MAF: variants seen among roughly 807,000 people sequenced by gnomAD.
The protein encoded by MAF is MAF bZIP transcription factor.
MAF carries 10 observed loss-of-function variants against 22.0 expected under a neutral mutation model. The observed-to-expected ratio is 0.45, with a 90% CI of 0.28 to 0.77. The LOEUF (loss-of-function observed/expected upper bound fraction) is 0.77. Ranked by LOEUF, MAF falls within the 30% of genes least tolerant of loss-of-function variation. The probability of loss-of-function intolerance (pLI) is 0.12; values close to 1 mark genes in which losing one functional copy is unlikely to be tolerated. For synonymous variants in MAF, 337 were observed against 255.8 expected, an observed-to-expected ratio of 1.32 and a Z score of -3.03; for missense variants, 544 against 548.4, an observed-to-expected ratio of 0.99 and a Z score of 0.08.
the MAF span, among the ~76,000 whole-genome samples, chr16:79,539,659 G>A: frequency 6.6e-6 from 1 of 152,144 alleles, no homozygotes; most frequent in Non-Finnish European, 1.5e-5. Flanking sequence ...AGGAAAAATG[G>A]AGACAATCTA....
the MAF span, among the ~76,000 whole-genome samples, chr16:79,488,785 G>A: frequency 1.6e-4 from 25 of 152,124 alleles, no homozygotes; most frequent in Middle Eastern, 3.4e-3. Flanking sequence ...CTTACCTCTC[G>A]TTCATCAACC....
intron 1 of MAF, chr16:79,597,674 A>G: frequency 9.8e-7 from 1 of 1,020,436 alleles, no homozygotes; most frequent in Non-Finnish European, 1.2e-6. Context: ...TTCTAAACTC[A>G]AAAAAGTCAT....
the MAF span, among the ~76,000 whole-genome samples, chr16:79,359,326 G>A: frequency 5.9e-5 from 9 of 152,178 alleles, no homozygotes; most frequent in Admixed American, 2.0e-4. Flanking sequence ...CTTTTACAGA[G>A]GCGTTTGCTA....
At chr16:79,461,473 G>T in the MAF span, among the ~76,000 whole-genome samples, 1 of 152,168 alleles carries the variant, frequency 6.6e-6, no homozygotes, top group Non-Finnish European at 1.5e-5. Context: ...AGATGGGAAA[G>T]AAAGACCATG....
chr16:79,590,442 TC>T (rs1913127765), downstream of MAF, among the ~76,000 whole-genome samples: 3 of 152,104 alleles, frequency 2.0e-5, no homozygotes, highest in South Asian at 2.1e-4. Flanking sequence ...ACTTATTGGG[TC>T]CCAGATCTCA....
chr16:79,237,881 T>C, the MAF span, among the ~76,000 whole-genome samples: 11 of 152,116 alleles, frequency 7.2e-5, no homozygotes, highest in African/African-American at 2.7e-4. Flanking sequence ...GAGGGACCCC[T>C]GGTCTAGCCA....
chr16:79,592,660 T>G (rs189037048), downstream of MAF, among the ~76,000 whole-genome samples: 1 of 152,302 alleles, frequency 6.6e-6, no homozygotes, highest in East Asian at 1.9e-4. Flanking sequence ...CTTCCAAGTT[T>G]CTCTTATTTT....
the MAF span, among the ~76,000 whole-genome samples, chr16:79,343,911 G>C: frequency 6.6e-6 from 1 of 152,120 alleles, no homozygotes; most frequent in Non-Finnish European, 1.5e-5. Context: ...AGCAAAACTG[G>C]ACTTCCTAGG....
the MAF span, among the ~76,000 whole-genome samples, chr16:79,259,791 G>C: frequency 6.6e-6 from 1 of 152,196 alleles, no homozygotes; most frequent in South Asian, 2.1e-4. Flanking sequence ...TAGAGGCTGA[G>C]AAGGGCAACA....
chr16:79,403,245 T>G, the MAF span, among the ~76,000 whole-genome samples: 1 of 152,156 alleles, frequency 6.6e-6, no homozygotes, highest in Non-Finnish European at 1.5e-5. Flanking sequence ...AAGCAAAGAC[T>G]CTGTTCCATT....
chr16:79,577,766 T>C, the MAF span, among the ~76,000 whole-genome samples: 1 of 152,238 alleles, frequency 6.6e-6, no homozygotes, highest in African/African-American at 2.4e-5. Flanking sequence ...AAAATGAAAG[T>C]CTATCTATAG....
the MAF span, among the ~76,000 whole-genome samples, chr16:79,477,357 C>T: frequency 4.3e-4 from 65 of 152,260 alleles, no homozygotes; most frequent in Middle Eastern, 3.4e-3. Context: ...GCTGTTCAGT[C>T]GCCCAGTGGG....
chr16:79,327,253 T>C, the MAF span, among the ~76,000 whole-genome samples: 33 of 152,332 alleles, frequency 2.2e-4, no homozygotes, highest in African/African-American at 6.0e-4. Context: ...GTGGAGGGTA[T>C]AGAACTAGTT....
At chr16:79,238,199 C>T in the MAF span, among the ~76,000 whole-genome samples, 1 of 152,034 alleles carries the variant, frequency 6.6e-6, no homozygotes, top group Non-Finnish European at 1.5e-5. Context: ...TGGGACAGAG[C>T]CCAGCATCCC....
At chr16:79,220,971 C>T in the MAF span, among the ~76,000 whole-genome samples, 1 of 152,142 alleles carries the variant, frequency 6.6e-6, no homozygotes, top group Non-Finnish European at 1.5e-5. Flanking sequence ...GGAACCAAGA[C>T]AGAAGAGGAC....
the MAF span, among the ~76,000 whole-genome samples, chr16:79,327,834 C>T: frequency 6.6e-6 from 1 of 152,196 alleles, no homozygotes; most frequent in African/African-American, 2.4e-5. Flanking sequence ...CATTGACAAA[C>T]AGGCATTTGC....
the MAF span, among the ~76,000 whole-genome samples, chr16:79,247,840 A>G: frequency 6.6e-6 from 1 of 152,254 alleles, no homozygotes; most frequent in Non-Finnish European, 1.5e-5. Context: ...ATCCAAATCA[A>G]ACATTTATTT....
chr16:79,247,555 A>G, the MAF span, among the ~76,000 whole-genome samples: 1 of 152,120 alleles, frequency 6.6e-6, no homozygotes, highest in Admixed American at 6.6e-5. Flanking sequence ...GGTTTTTGCC[A>G]AAACAGCCCA....
At chr16:79,472,668 G>T in the MAF span, among the ~76,000 whole-genome samples, 1 of 152,066 alleles carries the variant, frequency 6.6e-6, no homozygotes, top group Non-Finnish European at 1.5e-5. Flanking sequence ...TCCTTCTAGG[G>T]TGTAGAAATG....
Sources: gnomAD v4.1 joint callset for allele counts (sites outside exome capture counted in the v4.1 genomes callset) on GRCh38, gnomAD v4.1.1 for gene constraint, MANE v1.5 for transcripts, NCBI Gene and HGNC (gene_info 2026-07-23, HGNC 2026-07-21) for gene names.